Variants in DIAPH3 observed in about 807,000 individuals in gnomAD.
The protein encoded by DIAPH3 is protein diaphanous homolog 3.
In DIAPH3, 117 loss-of-function variants were observed where a neutral mutation model predicts 144.3. The observed-to-expected ratio is 0.81, with a 90% confidence interval of 0.70 to 0.95. The LOEUF (loss-of-function observed/expected upper bound fraction) is 0.95. Among genes scored for constraint, DIAPH3 ranks in the 40% least tolerant of loss-of-function variants. The probability of loss-of-function intolerance (pLI) is 0.00; values close to 1 mark genes in which losing one functional copy is unlikely to be tolerated. For missense variants in DIAPH3, 1,421 were observed against 1,412.7 expected, an observed-to-expected ratio of 1.01 and a Z score of -0.09; for synonymous variants, 519 against 488.9, an observed-to-expected ratio of 1.06 and a Z score of -0.81.
intron 17 of DIAPH3, among the ~76,000 whole-genome samples, chr13:59,956,499 T>A (rs2049410757): frequency 6.6e-6 from 1 of 152,208 alleles, no homozygotes; most frequent in South Asian, 2.1e-4. Context: ...TTTGGGAACC[T>A]CCACCTAGAT....
At chr13:60,139,512 C>A (rs376988365) in intron 1 of DIAPH3, among the ~76,000 whole-genome samples, 1 of 152,168 alleles carries the variant, frequency 6.6e-6, no homozygotes, top group South Asian at 2.1e-4. Flanking sequence ...ATTCCTCCAT[C>A]GTGAAAGGAG....
intron 17 of DIAPH3, among the ~76,000 whole-genome samples, chr13:59,956,414 A>C (rs2049405071): frequency 6.6e-6 from 1 of 152,224 alleles, no homozygotes; most frequent in African/African-American, 2.4e-5. Flanking sequence ...GTTGCATCAG[A>C]GGGTGCAAGC....
intron 25 of DIAPH3, among the ~76,000 whole-genome samples, chr13:59,809,456 C>T (rs1467804961): frequency 2.0e-5 from 3 of 149,940 alleles, no homozygotes; most frequent in South Asian, 2.1e-4. Flanking sequence ...GAGCCGAGAT[C>T]GCGCCATTGC....
chr13:59,681,121 C>T (rs2032921026), intron 27 of DIAPH3, among the ~76,000 whole-genome samples: 1 of 152,148 alleles, frequency 6.6e-6, no homozygotes, highest in Non-Finnish European at 1.5e-5. Flanking sequence ...GGTGTTACTC[C>T]TTGTCTTTCC....
chr13:60,054,520 C>T (rs954252247), intron 4 of DIAPH3, among the ~76,000 whole-genome samples: 2 of 151,904 alleles, frequency 1.3e-5, no homozygotes, highest in Admixed American at 6.6e-5. Flanking sequence ...TAATTAACTG[C>T]CTCAGTTTTT....
chr13:59,744,079 G>A (rs1229004833), intron 27 of DIAPH3, among the ~76,000 whole-genome samples: 5 of 152,008 alleles, frequency 3.3e-5, no homozygotes, highest in African/African-American at 1.2e-4. Context: ...GGTCACATAT[G>A]TTCATTTTGA....
intron 5 of DIAPH3, among the ~76,000 whole-genome samples, chr13:60,020,565 A>G (rs995370289): frequency 6.6e-6 from 1 of 152,070 alleles, no homozygotes; most frequent in African/African-American, 2.4e-5. Context: ...GGGTCTCACT[A>G]CGTTGCCCAG....
intron 25 of DIAPH3, among the ~76,000 whole-genome samples, chr13:59,801,225 T>C (rs2039884045): frequency 6.6e-6 from 1 of 152,216 alleles, no homozygotes; most frequent in South Asian, 2.1e-4. Context: ...TAATCTTTTG[T>C]TCCCCAAGCA....
At chr13:59,972,600 T>C (rs990201499) in intron 15 of DIAPH3, among the ~76,000 whole-genome samples, 3 of 152,298 alleles carry the variant, frequency 2.0e-5, no homozygotes, top group Admixed American at 1.3e-4. Context: ...GCATGCCTTA[T>C]CAAAACCATT....
In DIAPH3 at chr13:59,751,478, C is replaced by T. The variant is rs139209194; in HGVS notation, c.3319+22711G>A. ...ACTTGATTTTTCTATTTGTAAACAC[C>T]TTAAGAGGCAGCCTTTACTTTCATT... On this transcript the variant is annotated intron_variant, in intron 27 of 27. Transcript: ENST00000400324. Among the ~76,000 whole-genome samples, 22 of 152,242 alleles carry T rather than the reference C, an allele frequency of 1.4e-4. No homozygotes were observed. In the East Asian group the frequency reaches 4.2e-3, roughly 29 times the overall value.
intron 4 of DIAPH3, among the ~76,000 whole-genome samples, chr13:60,048,840 T>C (rs2056203513): frequency 9.7e-6 from 1 of 102,984 alleles, no homozygotes; most frequent in Non-Finnish European, 2.0e-5. Flanking sequence ...CTGGAACTCT[T>C]CTACACTACT....
chr13:59,666,568 TA>T lies in DIAPH3; in HGVS notation c.*15del. 6.2e-7 allele frequency: 1 copy of T among 1,613,504 alleles called. No homozygotes were observed. The highest frequency in any genetic ancestry group is 8.5e-7 in the Non-Finnish European group (1 of 1,179,810). ...TTATATTTGGCTTAATCATTTTTTT[TA>T]AAAACCAGTTTAACTTATAAAGCTC... On this transcript the variant is annotated 3_prime_UTR_variant, in exon 28 of 28. Coordinates refer to ENST00000400324, the MANE Select transcript of DIAPH3 (RefSeq NM_001042517.2).
intron 12 of DIAPH3, among the ~76,000 whole-genome samples, chr13:59,987,398 C>T (rs1414367888): frequency 1.4e-5 from 2 of 148,044 alleles, no homozygotes; most frequent in African/African-American, 2.5e-5. Flanking sequence ...GTGGGTGCAG[C>T]GCACCAGCAT....
chr13:59,817,670 G>C (rs920184343), intron 24 of DIAPH3, among the ~76,000 whole-genome samples: 1 of 151,614 alleles, frequency 6.6e-6, no homozygotes, highest in Non-Finnish European at 1.5e-5. Flanking sequence ...CCATCTATTT[G>C]TCTAGCTTTA....
At chr13:59,774,612 A>T (rs1161856296) in intron 26 of DIAPH3, 116 bp downstream of exon 26, 32 of 965,046 alleles carry the variant, frequency 3.3e-5, no homozygotes, top group Middle Eastern at 2.0e-4. Flanking sequence ...ACTTCTGAAC[A>T]GTTGTTGCCC....
intron 24 of DIAPH3, among the ~76,000 whole-genome samples, chr13:59,821,673 A>C (rs2041084261): frequency 6.6e-6 from 1 of 152,186 alleles, no homozygotes; most frequent in South Asian, 2.1e-4. Flanking sequence ...TTATTGTAAT[A>C]ATTACAAGAC....
At chr13:59,942,829 C>T (rs1372753880) in intron 17 of DIAPH3, among the ~76,000 whole-genome samples, 4 of 152,062 alleles carry the variant, frequency 2.6e-5, no homozygotes, top group Admixed American at 6.6e-5. Flanking sequence ...AAGCAATAAA[C>T]CCAGTGTAAT....
chr13:60,043,948 G>T (rs748203476), intron 4 of DIAPH3, among the ~76,000 whole-genome samples: 1 of 152,052 alleles, frequency 6.6e-6, no homozygotes, highest in Non-Finnish European at 1.5e-5. Flanking sequence ...GACTTCAAAG[G>T]CCTCAAACTT....
intron 2 of DIAPH3, among the ~76,000 whole-genome samples, chr13:60,115,429 C>T (rs1037444411): frequency 1.3e-5 from 2 of 152,104 alleles, no homozygotes; most frequent in Non-Finnish European, 2.9e-5. Context: ...ATTAACTGCT[C>T]AAGTGGAGAT....
Sources: allele counts gnomAD v4.1 joint callset (sites outside exome capture counted in the v4.1 genomes callset), GRCh38; gene constraint gnomAD v4.1.1; transcripts MANE v1.5; gene names NCBI Gene and HGNC (gene_info 2026-07-23, HGNC 2026-07-21).